RBBP6: variants seen among roughly 807,000 people sequenced by gnomAD.
RBBP6 encodes the protein RB binding protein 6, ubiquitin ligase.
In RBBP6, 25 loss-of-function variants were observed where a neutral mutation model predicts 167.7. The ratio of observed to expected loss-of-function variants is 0.15; its 90% confidence interval spans 0.11 to 0.21. The LOEUF (loss-of-function observed/expected upper bound fraction) is 0.21, where lower values mean the gene tolerates loss of function less well. Among genes scored for constraint, RBBP6 ranks in the 10% least tolerant of loss-of-function variants. RBBP6 has a pLI of 1.00. For synonymous variants in RBBP6, 789 were observed against 735.8 expected (o/e 1.07, Z -1.17); for missense variants, 1,868 against 2,134.2 (o/e 0.88, Z 2.46).
At chr16:24,558,687 T>C (rs1898976379) in intron 7 of RBBP6, among the ~76,000 whole-genome samples, 1 of 152,182 alleles carries the variant, frequency 6.6e-6, no homozygotes, top group Non-Finnish European at 1.5e-5. Context: ...GAAGCAGTGG[T>C]GACAAGTCTG....
intron 2 of RBBP6, among the ~76,000 whole-genome samples, chr16:24,547,586 G>A (rs1489804710): frequency 6.6e-6 from 1 of 152,112 alleles, no homozygotes; most frequent in Non-Finnish European, 1.5e-5. Context: ...CTCCCAAGTA[G>A]CCAGGATTAT....
intron 14 of RBBP6, among the ~76,000 whole-genome samples, chr16:24,565,926 A>C (rs77483640): frequency 1.8e-3 from 271 of 152,306 alleles, no homozygotes; most frequent in African/African-American, 6.1e-3. Flanking sequence ...ATAACCAGAC[A>C]TGGTGGCATG....
intron 3 of RBBP6, among the ~76,000 whole-genome samples, chr16:24,550,967 A>T (rs1025045927): frequency 1.9e-4 from 29 of 151,880 alleles, no homozygotes; most frequent in African/African-American, 2.4e-5. Context: ...CGCTAAGCCA[A>T]ATTTTTCTTA....
chr16:24,570,371 C>T lies in RBBP6; in HGVS notation c.3681C>T (p.Asn1227=), dbSNP rs1899296573. 6.2e-7 allele frequency: 1 copy of T among 1,612,776 alleles called. No homozygotes were observed. Among genetic ancestry groups the T allele is most frequent in the Non-Finnish European group, 8.5e-7 (1 of 1,179,790 alleles). The change falls in exon 17 of 18, where the codon AAC becomes AAT. Residue 1227 remains asparagine, a synonymous_variant. Transcript: ENST00000319715. ...KKIGSTENIS[N]TKEPSEKLES... ...TTGGAAGTACAGAAAATATATCAAA[C>T]ACAAAAGAACCCTCTGAAAAATTGG...
chr16:24,568,988 T>C lies in RBBP6; in HGVS notation c.2298T>C (p.Tyr766=). 1.2e-6 allele frequency: 2 copies of C among 1,614,122 alleles called. No individual in the cohort carries two copies. The highest frequency in any genetic ancestry group is 1.7e-6 in the Non-Finnish European group (2 of 1,179,982). ...CAAGGTCACCCCCTTACAGACGCTATCATTCACGATCAAGATCTCCTCAAG... is the reference window on the plus strand; with the variant it reads ...CAAGGTCACCCCCTTACAGACGCTACCATTCACGATCAAGATCTCCTCAAG... ...SRSRSPPYRR[Y]HSRSRSPQAF... Residue 766 remains tyrosine (Y), a synonymous_variant, in exon 17 of 18, where the codon TAT becomes TAC. Coordinates refer to ENST00000319715, the MANE Select transcript of RBBP6 (RefSeq NM_006910.5).
chr16:24,551,506 A>G (rs112813622), intron 3 of RBBP6, among the ~76,000 whole-genome samples: 74 of 151,968 alleles, frequency 4.9e-4, no homozygotes, highest in African/African-American at 1.7e-3. Flanking sequence ...TTTAGGGGCA[A>G]TAGTGATTAC....
Position 24,568,895 on chromosome 16 carries a change from A to C in RBBP6, c.2205A>C (p.Arg735Ser). The C allele has an allele frequency of 1.2e-6, 2 of 1,614,232 alleles. No homozygotes were observed. Among genetic ancestry groups the C allele is most frequent in the Non-Finnish European group, 1.7e-6 (2 of 1,180,032 alleles). ...ATTCACGGTCACCTCCATACCCCAG[A>C]AGAGGCAGAGGCAAGAGCCGCAATT... The part of the protein sequence containing the change: ...RSYSRSPPYP[R>S]RGRGKSRNYR... Residue 735 changes from arginine (R) to serine (S), a missense_variant, in exon 17 of 18, where the codon AGA becomes AGC. By Grantham distance (110) the Arg-to-Ser change is moderately radical. Coordinates refer to ENST00000319715, the MANE Select transcript of RBBP6 (RefSeq NM_006910.5).
rs534082228 is a variant in RBBP6 at position 24,568,657 on chromosome 16, G to A, written c.2055-88G>A. ...ATTTGATATAAAGATAGATGAAACC[G>A]TGAGGAAAGAATGCTAGAATCTGAG... On this transcript the variant is annotated intron_variant, in intron 16 of 17. Transcript: ENST00000319715. 4.7e-4 allele frequency: 696 copies of A among 1,466,188 alleles called. 1 individual carries two copies. Among genetic ancestry groups the A allele is most frequent in the Non-Finnish European group, 5.9e-4 (649 of 1,108,668 alleles). 90.8% of individuals were successfully genotyped at this position (1,466,188 alleles called of 1,614,324 possible).
chr16:24,561,774 AGTG>A (rs1475102240), intron 9 of RBBP6, 47 bp from the exon 10 acceptor site: 1 of 1,606,000 alleles, frequency 6.2e-7, no homozygotes, highest in African/African-American at 1.3e-5. Context: ...ACTGTACTTC[AGTG>A]AATACTGCAT....
intron 12 of RBBP6, 41 bp from the exon 13 acceptor site, chr16:24,563,569 C>T (rs780273519): frequency 4.3e-6 from 7 of 1,609,984 alleles, no homozygotes; most frequent in African/African-American, 1.3e-5. Flanking sequence ...ATTTAATGTG[C>T]AATTTTGTAT....
chr16:24,554,749 G>A (rs1413640829), intron 4 of RBBP6: 1 of 147,730 alleles, frequency 6.8e-6, no homozygotes, highest in Non-Finnish European at 1.5e-5. Flanking sequence ...AGGAGTTGGG[G>A]CGGTTTGGGG....
rs1195177726 is a variant in RBBP6 at position 24,567,171 on chromosome 16, G to A, written c.1618G>A (p.Glu540Lys). 5 of 1,613,652 alleles carry A rather than the reference G, an allele frequency of 3.1e-6. No individual in the cohort carries two copies. The highest frequency in any genetic ancestry group is 2.7e-5 in the African/African-American group (2 of 74,880). ...RSINRGRHHS[E>K]RSQRTQGPSL... ...TATAAACCGTGGGCGACACCACAGC[G>A]AAAGATCACAGAGGACTCAAGGCCC... The change falls in exon 15 of 18, where the codon GAA becomes AAA. Residue 540 changes from glutamate (E) to lysine (K), a missense_variant. By Grantham distance (56) the Glu-to-Lys change is moderately conservative. Coordinates refer to ENST00000319715, the MANE Select transcript of RBBP6 (RefSeq NM_006910.5).
intron 10 of RBBP6, 103 bp from the exon 11 acceptor site, chr16:24,563,096 C>A: frequency 1.2e-6 from 1 of 805,630 alleles, no homozygotes; most frequent in Non-Finnish European, 2.0e-6. Context: ...TTTGACTTAA[C>A]TCATCTTAAC....
rs1012879002 is a variant in RBBP6, at chr16:24,567,880, C to T, written c.2041C>T (p.Arg681Cys). The change falls in exon 16 of 18, where the codon CGC becomes TGC. Residue 681 changes from arginine to cysteine, a missense_variant. Arg to Cys is a radical substitution (Grantham distance 180, BLOSUM62 -3). Transcript: ENST00000319715. ...CAAAAAGATTCAAAAGGAGCGTAGGCGCTCATTTTCCAGGTTAGTGTTTTG... is the reference window on the plus strand; with the variant it reads ...CAAAAAGATTCAAAAGGAGCGTAGGTGCTCATTTTCCAGGTTAGTGTTTTG... Reference protein sequence around the residue: ...EYKKIQKERRRSFSRSKSPYS... With the variant: ...EYKKIQKERRCSFSRSKSPYS... 1.4e-5 allele frequency: 22 copies of T among 1,610,654 alleles called. No homozygotes were observed. Among genetic ancestry groups the T allele is most frequent in the East Asian group, 2.2e-5 (1 of 44,834 alleles).
intron 7 of RBBP6, among the ~76,000 whole-genome samples, chr16:24,557,838 A>G (rs558207195): frequency 6.6e-6 from 1 of 152,344 alleles, no homozygotes; most frequent in Admixed American, 6.5e-5. Context: ...TAGCTATGCC[A>G]TAGAATGATA....
In RBBP6 at chr16:24,540,593, TCTC is replaced by T; in HGVS notation, c.-30_-28del. On this transcript the variant is annotated 5_prime_UTR_variant, in exon 1 of 18. Coordinates refer to ENST00000319715, the MANE Select transcript of RBBP6 (RefSeq NM_006910.5). ...TATACGTATATTGAGAGTGTCCACG[TCTC>T]CTCGCTGAACCTTAGGAATCCCTTG... The T allele has an allele frequency of 6.3e-7, 1 of 1,584,062 alleles. No individual in the cohort carries two copies. Among genetic ancestry groups the T allele is most frequent in the Non-Finnish European group, 8.6e-7 (1 of 1,158,848 alleles).
intron 7 of RBBP6, chr16:24,558,394 T>TTTC: frequency 2.5e-6 from 2 of 808,596 alleles, no homozygotes; most frequent in Non-Finnish European, 3.0e-6. Context: ...CTTTTTTTTT[T>TTTC]TTTTCTTTTT....
At position 24,568,947 on chromosome 16, in the gene RBBP6, TATC is replaced by T; in HGVS notation, c.2261_2263del (p.His754del). On this transcript the variant is annotated inframe_deletion, in exon 17 of 18. Coordinates refer to ENST00000319715, the MANE Select transcript of RBBP6 (RefSeq NM_006910.5). Reference sequence around the variant, plus strand: ...CCGTTCACGGTCTAGATCTCATGGATATCATCGATCTAGGTCAAGGTCACCCCC... The same window carrying T: ...CCGTTCACGGTCTAGATCTCATGGATATCGATCTAGGTCAAGGTCACCCCC... The T allele has an allele frequency of 6.2e-7, 1 of 1,614,242 alleles. No homozygotes were observed. Among genetic ancestry groups the T allele is most frequent in the African/African-American group, 1.3e-5 (1 of 75,078 alleles).
rs200984694 is a variant in RBBP6, at chr16:24,571,611, A to G, written c.4545A>G (p.Pro1515=). 1.4e-5 allele frequency: 23 copies of G among 1,611,334 alleles called. No homozygotes were observed. In the Admixed American group the frequency reaches 1.9e-4, roughly 13 times the overall value. The part of the protein sequence containing the change: ...KDSASGQKNK[P]REERDLPKKG... ...CTGCATCTGGACAGAAAAATAAACC[A>G]AGGGAAGAGAGAGATTTGCCTAAAA... Residue 1515 remains proline, a synonymous_variant, in exon 18 of 18, where the codon CCA becomes CCG. Transcript: ENST00000319715.
Sources: gnomAD v4.1 joint callset for allele counts (sites outside exome capture counted in the v4.1 genomes callset) on GRCh38, gnomAD v4.1.1 for gene constraint, MANE v1.5 for transcripts, NCBI Gene and HGNC (gene_info 2026-07-23, HGNC 2026-07-21) for gene names.